The following KCMF1 variants were observed in gnomAD, a reference collection of about 807,000 sequenced individuals.
The protein encoded by KCMF1 is potassium channel modulatory factor 1.
Under a neutral mutation model 41.1 loss-of-function variants are expected in KCMF1, and 3 were observed. The observed-to-expected ratio is 0.07, with a 90% CI of 0.03 to 0.19. The LOEUF (loss-of-function observed/expected upper bound fraction) is 0.19. Ranked by LOEUF, KCMF1 falls within the 10% of genes least tolerant of loss-of-function variation. The pLI, the probability that KCMF1 is intolerant of heterozygous loss-of-function variation, is 1.00. For missense variants in KCMF1, 286 were observed against 488.9 expected, an observed-to-expected ratio of 0.58 and a Z score of 3.91; for synonymous variants, 142 against 164.5, an observed-to-expected ratio of 0.86 and a Z score of 1.04.
chr2:84,987,984 G>C (rs1673944450), intron 1 of KCMF1, among the ~76,000 whole-genome samples: 1 of 152,172 alleles, frequency 6.6e-6, no homozygotes, highest in Non-Finnish European at 1.5e-5. Context: ...ACTTTGGGAG[G>C]CCGAGGCAGG....
At position 85,057,028 on chromosome 2, in the gene KCMF1, T is replaced by C. The variant is rs1675949320; in HGVS notation, c.*3619T>C. ...CATCTCTACTAAAAAATACAAAAAG[T>C]TAGCTGGGCATGGTGGCAGGCACCT... On this transcript the variant is annotated 3_prime_UTR_variant, in exon 7 of 7. Coordinates refer to ENST00000409785, the MANE Select transcript of KCMF1 (RefSeq NM_020122.5). The C allele has an allele frequency of 6.6e-6, 1 of 151,986 alleles. No individual in the cohort carries two copies. The highest frequency in any genetic ancestry group is 1.5e-5 in the Non-Finnish European group (1 of 68,032). The allele number at this position is 151,986 out of a possible 1,614,324, so 9.4% of individuals were successfully genotyped here.
chr2:85,038,650 A>G (rs189930039), intron 3 of KCMF1, among the ~76,000 whole-genome samples: 1 of 152,136 alleles, frequency 6.6e-6, no homozygotes, highest in East Asian at 1.9e-4. Flanking sequence ...ACTAAAGTAT[A>G]ATATGTGTCA....
intron 1 of KCMF1, among the ~76,000 whole-genome samples, chr2:84,978,459 A>G (rs889326649): frequency 2.0e-4 from 29 of 144,784 alleles, no homozygotes; most frequent in Non-Finnish European, 3.8e-4. Context: ...TATGATATCT[A>G]TCATATATAT....
intron 2 of KCMF1, among the ~76,000 whole-genome samples, chr2:85,032,353 T>TTTTTA (rs1459346301): frequency 6.8e-6 from 1 of 147,558 alleles, no homozygotes; most frequent in Non-Finnish European, 1.5e-5. Context: ...TTTATTTTTA[T>TTTTTA]TTTTATTTTA....
rs72928891 is a variant in KCMF1 at position 85,003,352 on chromosome 2, C to T, written c.17-24537C>T. On this transcript the variant is annotated intron_variant, in intron 1 of 6. Coordinates refer to ENST00000409785, the MANE Select transcript of KCMF1 (RefSeq NM_020122.5). The stretch of plus-strand genomic sequence containing the variant: ...AATTAGCCAGGCGTGGTGGCGGGCA[C>T]CTGTAGTCCTAGCTACTCGGGAGGC... Among the ~76,000 whole-genome samples, 346 of 152,146 alleles carry T rather than the reference C, an allele frequency of 2.3e-3. 3 individuals carry two copies. Among genetic ancestry groups the T allele is most frequent in the African/African-American group, 8.0e-3 (333 of 41,502 alleles).
intron 1 of KCMF1, among the ~76,000 whole-genome samples, chr2:84,980,816 A>G (rs1673717082): frequency 6.6e-6 from 1 of 151,792 alleles, no homozygotes; most frequent in African/African-American, 2.4e-5. Flanking sequence ...AATTTTTGAA[A>G]TTTTTGTAGA....
intron 1 of KCMF1, among the ~76,000 whole-genome samples, chr2:85,007,724 T>G (rs1674507448): frequency 6.6e-6 from 1 of 152,174 alleles, no homozygotes; most frequent in Non-Finnish European, 1.5e-5. Flanking sequence ...TTGTGTGATT[T>G]TATGTATGTA....
chr2:84,989,749 AG>A (rs1673991686), intron 1 of KCMF1, among the ~76,000 whole-genome samples: 1 of 152,158 alleles, frequency 6.6e-6, no homozygotes, highest in African/African-American at 2.4e-5. Flanking sequence ...GCATGCTTTC[AG>A]GGGTGGGTGC....
intron 3 of KCMF1, among the ~76,000 whole-genome samples, chr2:85,041,910 C>T (rs1301827591): frequency 6.6e-6 from 1 of 151,992 alleles, no homozygotes; most frequent in Admixed American, 6.6e-5. Context: ...GTATATCAGA[C>T]ATAACCAGGT....
At chr2:84,988,324 T>G (rs1161770355) in intron 1 of KCMF1, among the ~76,000 whole-genome samples, 1 of 152,122 alleles carries the variant, frequency 6.6e-6, no homozygotes, top group East Asian at 1.9e-4. Flanking sequence ...TAACCAAGCA[T>G]CTGCTATATT....
chr2:84,981,282 C>T (rs897773812), intron 1 of KCMF1, among the ~76,000 whole-genome samples: 69 of 151,586 alleles, frequency 4.6e-4, no homozygotes, highest in Admixed American at 2.2e-3. Flanking sequence ...CTCCGCCTCC[C>T]GGGTTCATGC....
At position 85,058,765 on chromosome 2, in the gene KCMF1, C is replaced by T. The variant is rs972351255; in HGVS notation, c.*5356C>T. 1 of 152,164 alleles carries T rather than the reference C, an allele frequency of 6.6e-6. No homozygotes were observed. The highest frequency in any genetic ancestry group is 1.5e-5 in the Non-Finnish European group (1 of 68,038). The allele number at this position is 152,164 out of a possible 1,614,324, so 9.4% of individuals were successfully genotyped here. A position where few individuals can be genotyped will look rare whatever the true frequency, so the allele number is the denominator to read the frequency against. ...CAAGCCGGTTGCGTTTGGTCAGTCACGTGACCAATCAGAGCTGGTGAGTGA... is the reference window on the plus strand; with the variant it reads ...CAAGCCGGTTGCGTTTGGTCAGTCATGTGACCAATCAGAGCTGGTGAGTGA... On this transcript the variant is annotated 3_prime_UTR_variant, in exon 7 of 7. Coordinates refer to ENST00000409785, the MANE Select transcript of KCMF1 (RefSeq NM_020122.5).
chr2:85,003,539 A>G (rs931077820), intron 1 of KCMF1, among the ~76,000 whole-genome samples: 10 of 151,438 alleles, frequency 6.6e-5, no homozygotes, highest in African/African-American at 1.9e-4. Context: ...CTGTTCTGTC[A>G]TCTAGTATTT....
chr2:84,977,077 G>T (rs1337804678), intron 1 of KCMF1, among the ~76,000 whole-genome samples: 1 of 151,748 alleles, frequency 6.6e-6, no homozygotes, highest in Non-Finnish European at 1.5e-5. Context: ...ACATTGGTGG[G>T]ATCTTGGCTT....
At chr2:84,981,234 G>A (rs1269761391) in intron 1 of KCMF1, among the ~76,000 whole-genome samples, 1 of 150,354 alleles carries the variant, frequency 6.7e-6, no homozygotes, top group Non-Finnish European at 1.5e-5. Context: ...CTGTTGCCCA[G>A]GCTGGAGCGC....
At chr2:84,975,648 A>G (rs532315251) in intron 1 of KCMF1, among the ~76,000 whole-genome samples, 63 of 152,230 alleles carry the variant, frequency 4.1e-4, no homozygotes, top group Admixed American at 2.7e-3. Flanking sequence ...AGACTTTAGC[A>G]CCCACTTTGT....
chr2:85,030,063 A>G (rs1675228477), intron 2 of KCMF1, among the ~76,000 whole-genome samples: 1 of 152,038 alleles, frequency 6.6e-6, no homozygotes, highest in South Asian at 2.1e-4. Context: ...GTAGTATCTC[A>G]GGTGGTTTTG....
At chr2:85,035,492 A>G (rs1457038224) in intron 3 of KCMF1, among the ~76,000 whole-genome samples, 14 of 152,224 alleles carry the variant, frequency 9.2e-5, no homozygotes, top group Non-Finnish European at 5.9e-5. Context: ...TATCCTTGCT[A>G]TCTGCTTAAC....
chr2:85,041,761 C>CGT (rs1491204211), intron 3 of KCMF1, among the ~76,000 whole-genome samples: 1 of 91,958 alleles, frequency 1.1e-5, no homozygotes, highest in Non-Finnish European at 2.3e-5. Context: ...CATTGCTGGT[C>CGT]TTTTTTTTTT....
Sources: allele counts gnomAD v4.1 joint callset (sites outside exome capture counted in the v4.1 genomes callset), GRCh38; gene constraint gnomAD v4.1.1; transcripts MANE v1.5; gene names NCBI Gene and HGNC (gene_info 2026-07-23, HGNC 2026-07-21).